The following PLXNA1 variants were observed in gnomAD, a reference collection of about 807,000 sequenced individuals.
The protein encoded by PLXNA1 is plexin-A1.
A neutral mutation model predicts 191.7 loss-of-function variants in PLXNA1; 77 were observed. That is an observed-to-expected ratio of 0.40 (90% CI 0.33 to 0.49). The LOEUF (loss-of-function observed/expected upper bound fraction) is 0.49. Among genes scored for constraint, PLXNA1 ranks in the 20% least tolerant of loss-of-function variants. The pLI, the probability that PLXNA1 is intolerant of heterozygous loss-of-function variation, is 0.63. For missense variants in PLXNA1, 2,110 were observed against 2,660.2 expected (o/e 0.79, Z 4.55); for synonymous variants, 1,137 against 1,156.4 (o/e 0.98, Z 0.34).
intron 20 of PLXNA1, among the ~76,000 whole-genome samples, chr3:127,019,075 G>A (rs2079140009): frequency 6.6e-6 from 1 of 152,220 alleles, no homozygotes; most frequent in Non-Finnish European, 1.5e-5. Flanking sequence ...ATCAGGGCAG[G>A]TGTGAGTGGC....
chr3:127,009,946 T>C (rs1341818075), intron 9 of PLXNA1, among the ~76,000 whole-genome samples: 2 of 152,244 alleles, frequency 1.3e-5, no homozygotes, highest in Non-Finnish European at 1.5e-5. Context: ...TTCTGGACTC[T>C]GCAGAAAGGG....
rs945363026 is a variant in PLXNA1 at position 127,029,163 on chromosome 3, C to A, written c.4773+67C>A. ...CTTGGGGCTTCCACAGCGCAGCCACCAATGTTTGCAGCATGTGGGCTGGAC... is the reference window on the plus strand; with the variant it reads ...CTTGGGGCTTCCACAGCGCAGCCACAAATGTTTGCAGCATGTGGGCTGGAC... On this transcript the variant is annotated intron_variant, in intron 26 of 31. Coordinates refer to ENST00000393409, the MANE Select transcript of PLXNA1 (RefSeq NM_032242.4). 5 of 1,254,288 alleles carry A rather than the reference C, an allele frequency of 4.0e-6. No individual in the cohort carries two copies. The African/African-American group carries it at 4.4e-5, about 11-fold the overall frequency. 77.7% of individuals were successfully genotyped at this position (1,254,288 alleles called of 1,614,324 possible).
In PLXNA1 at chr3:127,015,278, A is replaced by G. The variant is rs553732537; in HGVS notation, c.2972A>G (p.Asp991Gly). 385 of 1,565,776 alleles carry G rather than the reference A, an allele frequency of 2.5e-4. No individual in the cohort carries two copies. The highest frequency in any genetic ancestry group is 3.4e-5 in the Admixed American group (2 of 58,062). ...IEGSHLNAGS[D>G]VAVSVGGRPC... The stretch of plus-strand genomic sequence containing the variant: ...GGAAGCCACCTGAACGCAGGCAGTG[A>G]TGTGGCTGTGTCGGTCGGTGGCCGG... Residue 991 changes from aspartate to glycine, a missense_variant, in exon 15 of 32, where the codon GAT (aspartate) becomes GGT (glycine). Transcript: ENST00000393409.
intron 21 of PLXNA1, among the ~76,000 whole-genome samples, chr3:127,020,977 C>T (rs2079149614): frequency 6.6e-6 from 1 of 152,220 alleles, no homozygotes; most frequent in African/African-American, 2.4e-5. Flanking sequence ...CCTAAAAGGC[C>T]CCCAGCGGCA....
chr3:127,012,602 G>A (rs1465587711), intron 10 of PLXNA1, among the ~76,000 whole-genome samples: 1 of 152,252 alleles, frequency 6.6e-6, no homozygotes, highest in Non-Finnish European at 1.5e-5. Context: ...GCATGGCTCC[G>A]TCCATCCCTG....
Position 127,020,203 on chromosome 3 carries a change from C to T in PLXNA1, c.3897C>T (p.Ala1299=). The T allele has an allele frequency of 6.2e-7, 1 of 1,612,790 alleles. No individual in the cohort carries two copies. Among genetic ancestry groups the T allele is most frequent in the Non-Finnish European group, 8.5e-7 (1 of 1,179,924 alleles). ...CCCTGACGCCGCATCTGGCCACAGCCTTTGCAGAGCTGCAGACAGACATCC... is the reference window on the plus strand; with the variant it reads ...CCCTGACGCCGCATCTGGCCACAGCTTTTGCAGAGCTGCAGACAGACATCC... ...ESRVALECKE[A]FAELQTDIHE... Residue 1299 remains alanine, a splice_region_variant and synonymous_variant, in exon 21 of 32, where the codon GCC becomes GCT. Coordinates refer to ENST00000393409, the MANE Select transcript of PLXNA1 (RefSeq NM_032242.4).
At chr3:127,023,664 G>A (rs1276327353) in intron 23 of PLXNA1, among the ~76,000 whole-genome samples, 1 of 152,234 alleles carries the variant, frequency 6.6e-6, no homozygotes, top group African/African-American at 2.4e-5. Flanking sequence ...GGGGCTTTCA[G>A]GCCTCCTGCA....
chr3:127,021,949 C>A, intron 21 of PLXNA1, 136 bp from the exon 22 acceptor site: 1 of 1,320,414 alleles, frequency 7.6e-7, no homozygotes, highest in Non-Finnish European at 1.0e-6. Flanking sequence ...GTCAGGGCAA[C>A]TTGTCACTTG....
At chr3:126,986,518 G>A (rs558616496) in intron 1 of PLXNA1, among the ~76,000 whole-genome samples, 3 of 152,304 alleles carry the variant, frequency 2.0e-5, no homozygotes, top group South Asian at 2.1e-4. Flanking sequence ...AGCATGGGGG[G>A]CTGCCGCACC....
chr3:126,984,704 G>A (rs1423752403), intron 1 of PLXNA1, among the ~76,000 whole-genome samples: 1 of 152,212 alleles, frequency 6.6e-6, no homozygotes, highest in Non-Finnish European at 1.5e-5. Flanking sequence ...CTCAGTGTGT[G>A]CTCTGGGGGT....
chr3:126,988,559 G>A lies in PLXNA1; in HGVS notation c.-35G>A, dbSNP rs2078972275. ...GGCACCATGATGCTCACCCCAGCAG[G>A]ACCAGAGCACCGAGGCCCAAGGCCC... On this transcript the variant is annotated 5_prime_UTR_variant, in exon 2 of 32. Coordinates refer to ENST00000393409, the MANE Select transcript of PLXNA1 (RefSeq NM_032242.4). The A allele has an allele frequency of 1.4e-6, 2 of 1,451,190 alleles. No homozygotes were observed. Among genetic ancestry groups the A allele is most frequent in the African/African-American group, 2.8e-5 (2 of 70,262 alleles). 89.9% of individuals were successfully genotyped at this position (1,451,190 alleles called of 1,614,324 possible).
Position 126,983,347 on chromosome 3 carries a change from T to C in PLXNA1, c.-74+60T>C, listed in dbSNP as rs1212768141. On this transcript the variant is annotated intron_variant, in intron 1 of 31. Coordinates refer to ENST00000393409, the MANE Select transcript of PLXNA1 (RefSeq NM_032242.4). ...ACGGTGGGCGGGGGCCGGGCCGGGC[T>C]GGGGTCCGGGGCCGGGCGGCCCGTG... Among the ~76,000 whole-genome samples, 16 of 139,066 alleles carry C rather than the reference T, an allele frequency of 1.2e-4. No individual in the cohort carries two copies. The East Asian group carries it at 3.4e-3, about 30-fold the overall frequency. 91.2% of individuals were successfully genotyped at this position (139,066 alleles called of 152,430 possible).
At chr3:126,991,925 C>T (rs1339861179) in intron 3 of PLXNA1, among the ~76,000 whole-genome samples, 1 of 152,168 alleles carries the variant, frequency 6.6e-6, no homozygotes, top group African/African-American at 2.4e-5. Context: ...GGCCCCCTCC[C>T]CTCTGGGCCC....
intron 21 of PLXNA1, 88 bp downstream of exon 21, chr3:127,020,432 T>C (rs993313193): frequency 6.6e-7 from 1 of 1,519,580 alleles, no homozygotes; most frequent in Non-Finnish European, 8.9e-7. Context: ...TGATGGATGG[T>C]ATGGGGCAGC....
At position 127,033,965 on chromosome 3, in the gene PLXNA1, G is replaced by A. The variant is rs755300042; in HGVS notation, c.5639G>A (p.Arg1880Gln). The A allele has an allele frequency of 1.1e-5, 17 of 1,606,054 alleles. No individual in the cohort carries two copies. The highest frequency in any genetic ancestry group is 1.3e-5 in the African/African-American group (1 of 74,858). ...AAGGATGAGCAGGCGCGGCGGCAGC[G>A]GCTGCGGAGCAAGCTGGAGCAGGTG... The part of the protein sequence containing the change: ...LEKDEQARRQ[R>Q]LRSKLEQVVD... The change falls in exon 32 of 32, where the codon CGG (arginine) becomes CAG (glutamine). Residue 1880 changes from arginine (R) to glutamine (Q), a missense_variant. Arg to Gln is a conservative substitution (Grantham distance 43, BLOSUM62 1). This residue lies in a region of PLXNA1 where 559 missense variants were observed against 911.5 expected (regional missense o/e 0.61). Transcript: ENST00000393409.
rs968477770 is a variant in PLXNA1, at chr3:127,028,731, C to T, written c.4670-262C>T. ...TGGGTCCCCACAGAAGCCTCGGTGC[C>T]AGGCTGAGGAGTTGGGGCCCTAAGG... is the stretch of plus-strand genomic sequence containing the variant. On this transcript the variant is annotated intron_variant, in intron 25 of 31. Transcript: ENST00000393409. 4 of 557,336 alleles carry T rather than the reference C, an allele frequency of 7.2e-6. No individual in the cohort carries two copies. The East Asian group carries it at 1.2e-4, about 17-fold the overall frequency. 34.5% of individuals were successfully genotyped at this position (557,336 alleles called of 1,614,324 possible). A position where few individuals can be genotyped will look rare whatever the true frequency, so the allele number is the denominator to read the frequency against.
intron 21 of PLXNA1, among the ~76,000 whole-genome samples, chr3:127,021,124 G>C (rs909338499): frequency 9.9e-5 from 15 of 152,186 alleles, no homozygotes; most frequent in African/African-American, 3.6e-4. Flanking sequence ...TGGTGACTCT[G>C]TTGGTGGGAA....
chr3:127,028,756 G>T (rs2079189787), intron 25 of PLXNA1: 2 of 572,532 alleles, frequency 3.5e-6, no homozygotes, highest in East Asian at 2.9e-5. Context: ...GGGCCCTAAG[G>T]CTTGCGGAAG....
At chr3:127,013,877 G>A (rs2079107746) in intron 10 of PLXNA1, 143 bp from the exon 11 acceptor site, 1 of 751,632 alleles carries the variant, frequency 1.3e-6, no homozygotes, top group Non-Finnish European at 2.4e-6. Context: ...AGGAAGTCCT[G>A]TGTAGGATGA....
Sources: allele counts gnomAD v4.1 joint callset (sites outside exome capture counted in the v4.1 genomes callset), GRCh38; gene constraint gnomAD v4.1.1; regional missense constraint gnomAD v4.1.1; transcripts MANE v1.5; gene names NCBI Gene and HGNC (gene_info 2026-07-23, HGNC 2026-07-21).